PSME4: variants seen among roughly 807,000 people sequenced by gnomAD.
PSME4 encodes proteasome activator complex subunit 4.
PSME4 carries 89 observed loss-of-function variants against 253.9 expected under a neutral mutation model. That is an observed-to-expected ratio of 0.35 (90% CI 0.30 to 0.42). The LOEUF is 0.42. Among genes scored for constraint, PSME4 ranks in the 10% least tolerant of loss-of-function variants. The probability of loss-of-function intolerance (pLI) is 1.00; values close to 1 mark genes in which losing one functional copy is unlikely to be tolerated. For missense variants in PSME4, 2,014 were observed against 2,195.2 expected (o/e 0.92, Z 1.65); for synonymous variants, 851 against 759.2 (o/e 1.12, Z -1.99).
intron 41 of PSME4, chr2:53,881,486 T>C (rs1247521035): frequency 6.6e-6 from 1 of 152,222 alleles, no homozygotes; most frequent in Non-Finnish European, 1.5e-5. Context: ...AGGTATGTCA[T>C]TTCATCCTTC....
At chr2:53,958,631 A>G (rs1670342396) in intron 1 of PSME4, among the ~76,000 whole-genome samples, 1 of 152,202 alleles carries the variant, frequency 6.6e-6, no homozygotes, top group South Asian at 2.1e-4. Context: ...GACTATTCTT[A>G]CCATTATGAT....
chr2:53,913,254 A>G (rs1030312846), intron 20 of PSME4, among the ~76,000 whole-genome samples: 1 of 152,136 alleles, frequency 6.6e-6, no homozygotes, highest in Non-Finnish European at 1.5e-5. Flanking sequence ...TTGTACCACT[A>G]AAAAAGGACC....
At chr2:53,931,470 C>T (rs760255403) in intron 10 of PSME4, among the ~76,000 whole-genome samples, 16 of 152,204 alleles carry the variant, frequency 1.1e-4, no homozygotes, top group Non-Finnish European at 1.9e-4. Context: ...TTCTCTACCA[C>T]TGATTCTAAG....
In PSME4 at chr2:53,888,715, A is replaced by AT; in HGVS notation, c.4388+5dup. On this transcript the variant is annotated splice_donor_region_variant and intron_variant, in intron 38 of 46. Coordinates refer to ENST00000404125, the MANE Select transcript of PSME4 (RefSeq NM_014614.3). Reference sequence around the variant, plus strand: ...TTAACCTCATAGGTTTTTTAAAAAAATTTACCATGCATCTACAAAGGATCC... The same window carrying AT: ...TTAACCTCATAGGTTTTTTAAAAAAATTTTACCATGCATCTACAAAGGATCC... 1 of 1,599,982 alleles carries AT rather than the reference A, an allele frequency of 6.3e-7. No individual in the cohort carries two copies. The highest frequency in any genetic ancestry group is 8.6e-7 in the Non-Finnish European group (1 of 1,168,374).
At chr2:53,955,207 A>G (rs576217659) in intron 1 of PSME4, among the ~76,000 whole-genome samples, 53 of 152,330 alleles carry the variant, frequency 3.5e-4, no homozygotes, top group African/African-American at 1.3e-3. Context: ...CCAAATGCAC[A>G]TATGTAATTT....
intron 14 of PSME4, among the ~76,000 whole-genome samples, 188 bp downstream of exon 14, chr2:53,925,347 ATAGT>A (rs544135022): frequency 2.6e-4 from 39 of 152,362 alleles, no homozygotes; most frequent in South Asian, 6.2e-4. Flanking sequence ...CAGGTTGCAA[ATAGT>A]TAGAGCAAAC....
chr2:53,938,181 G>T lies in PSME4; in HGVS notation c.546-641C>A, dbSNP rs532419782. On this transcript the variant is annotated intron_variant, in intron 4 of 46. Transcript: ENST00000404125. ...TATGTAACAATTAAAAAAAAATCTT[G>T]TCAAAAAGAATCCAGTCTAAACAGG... Among the ~76,000 whole-genome samples, 3 of 152,092 alleles carry T rather than the reference G, an allele frequency of 2.0e-5. No homozygotes were observed. The East Asian group carries it at 5.8e-4, about 29-fold the overall frequency.
rs1214447184 is a variant in PSME4 at position 53,888,723 on chromosome 2, T to A, written c.4386A>T (p.Ala1462=). The A allele has an allele frequency of 1.2e-6, 2 of 1,606,058 alleles. No individual in the cohort carries two copies. Among genetic ancestry groups the A allele is most frequent in the Non-Finnish European group, 1.7e-6 (2 of 1,173,490 alleles). ...LSGEGGSFVD[A]CRLYVLQGGL... ...ATAGGTTTTTTAAAAAAATTTACCA[T>A]GCATCTACAAAGGATCCTCCTTCAC... The change falls in exon 38 of 47, where the codon GCA becomes GCT. Residue 1462 remains alanine (A), a splice_region_variant and synonymous_variant. Transcript: ENST00000404125.
chr2:53,940,607 G>C (rs1461684607), intron 3 of PSME4, among the ~76,000 whole-genome samples: 1 of 151,834 alleles, frequency 6.6e-6, no homozygotes, highest in Non-Finnish European at 1.5e-5. Context: ...ATAAAAATGT[G>C]TGTATGAATT....
intron 27 of PSME4, among the ~76,000 whole-genome samples, chr2:53,901,940 A>C (rs1444678000): frequency 1.3e-5 from 2 of 152,114 alleles, no homozygotes; most frequent in Non-Finnish European, 2.9e-5. Flanking sequence ...GGTGGCACAC[A>C]CCTGTGGTCC....
intron 1 of PSME4, among the ~76,000 whole-genome samples, chr2:53,960,341 G>C (rs1250908976): frequency 6.6e-6 from 1 of 150,670 alleles, no homozygotes; most frequent in Non-Finnish European, 1.5e-5. Context: ...GGAGGTTGCA[G>C]TGAGCCAACA....
intron 34 of PSME4, among the ~76,000 whole-genome samples, chr2:53,894,346 A>G (rs1447883300): frequency 6.6e-6 from 1 of 152,092 alleles, no homozygotes; most frequent in Non-Finnish European, 1.5e-5. Flanking sequence ...ATCATGGCTC[A>G]TTGCAGTCTT....
At chr2:53,960,663 A>G (rs1410386021) in intron 1 of PSME4, among the ~76,000 whole-genome samples, 1 of 152,216 alleles carries the variant, frequency 6.6e-6, no homozygotes, top group Non-Finnish European at 1.5e-5. Flanking sequence ...TTTAATCTCC[A>G]TAAAATCTGG....
chr2:53,937,261 A>G, intron 5 of PSME4, 130 bp downstream of exon 5: 2 of 859,060 alleles, frequency 2.3e-6, no homozygotes, highest in South Asian at 2.1e-5. Context: ...CACTTCAAGT[A>G]TAATAAACTT....
intron 42 of PSME4, 85 bp from the exon 43 acceptor site, chr2:53,874,579 G>A: frequency 7.9e-7 from 1 of 1,260,928 alleles, no homozygotes; most frequent in East Asian, 2.5e-5. Context: ...CACAAACAAT[G>A]TAATATTCTA....
intron 3 of PSME4, among the ~76,000 whole-genome samples, chr2:53,944,642 T>C (rs1051514319): frequency 2.0e-4 from 30 of 152,208 alleles, no homozygotes; most frequent in African/African-American, 7.0e-4. Context: ...TTGATTATCA[T>C]ATTAAATTTT....
chr2:53,940,982 T>TACATATTTAA (rs1558414087), intron 3 of PSME4, among the ~76,000 whole-genome samples: 15 of 79,818 alleles, frequency 1.9e-4, no homozygotes, highest in Admixed American at 6.1e-4. Context: ...TATATATATA[T>TACATATTTAA]ATATATATAT....
intron 41 of PSME4, among the ~76,000 whole-genome samples, chr2:53,883,493 G>C (rs369183843): frequency 2.0e-5 from 3 of 152,128 alleles, no homozygotes; most frequent in East Asian, 1.9e-4. Context: ...AAAAGCGGTG[G>C]GGGGGTGCGG....
chr2:53,934,910 G>C (rs1669033210), intron 7 of PSME4, among the ~76,000 whole-genome samples, 183 bp from the exon 8 acceptor site: 1 of 152,132 alleles, frequency 6.6e-6, no homozygotes, highest in African/African-American at 2.4e-5. Flanking sequence ...AATATCAACA[G>C]ATGTGCTGTA....
Sources: gnomAD v4.1 joint callset for allele counts (sites outside exome capture counted in the v4.1 genomes callset) on GRCh38, gnomAD v4.1.1 for gene constraint, MANE v1.5 for transcripts, NCBI Gene and HGNC (gene_info 2026-07-23, HGNC 2026-07-21) for gene names.